Variants in MAP2K5 observed in about 807,000 individuals in gnomAD.
MAP2K5 encodes the protein mitogen-activated protein kinase kinase 5.
MAP2K5 carries 49 observed loss-of-function variants against 83.1 expected under a neutral mutation model. That is an observed-to-expected ratio of 0.59 (90% confidence interval 0.47 to 0.75). MAP2K5 has a LOEUF of 0.75. Ranked by LOEUF, MAP2K5 falls within the 30% of genes least tolerant of loss-of-function variation. The probability of loss-of-function intolerance (pLI) is 0.00; values close to 1 mark genes in which losing one functional copy is unlikely to be tolerated. For missense variants in MAP2K5, 457 were observed against 557.5 expected, an observed-to-expected ratio of 0.82 and a Z score of 1.82; for synonymous variants, 202 against 191.8, an observed-to-expected ratio of 1.05 and a Z score of -0.44.
At position 67,630,925 on chromosome 15, in the gene MAP2K5, A is replaced by T; in HGVS notation, c.583A>T (p.Lys195Ter). 1 of 1,606,956 alleles carries T rather than the reference A, an allele frequency of 6.2e-7. No homozygotes were observed. Among genetic ancestry groups the T allele is most frequent in the Non-Finnish European group, 8.5e-7 (1 of 1,174,950 alleles). ...CCCGAGTGGGAAAATATTAGCTGTA[A>T]AGGTAAGTACTGGATACATTTTATG... ...HVPSGKILAVKVILLDITLEL... is the reference protein window; with the variant it reads ...HVPSGKILAV The change falls in exon 9 of 22, where the codon AAG (lysine) becomes TAG (stop). Residue 195 changes from lysine (K) to a stop codon, truncating the protein, a stop_gained and splice_region_variant. Coordinates refer to ENST00000178640, the MANE Select transcript of MAP2K5 (RefSeq NM_145160.3). LOFTEE classifies it high-confidence loss of function.
At chr15:67,614,616 G>A (rs2899726) in intron 8 of MAP2K5, among the ~76,000 whole-genome samples, 106,000 of 151,994 alleles carry the variant, frequency 0.7, 37,580 homozygotes, top group Middle Eastern at 0.81. Context: ...CAGAATGACT[G>A]TAGTTTCCTT....
intron 8 of MAP2K5, among the ~76,000 whole-genome samples, chr15:67,609,054 G>A (rs2085847695): frequency 6.6e-6 from 1 of 152,152 alleles, no homozygotes; most frequent in African/African-American, 2.4e-5. Context: ...TCTACCTTAA[G>A]CAGAATGATG....
In MAP2K5 at chr15:67,769,992, A is replaced by G. The variant is rs146509083; in HGVS notation, c.1196+329A>G. Reference sequence around the variant, plus strand: ...TTTATAGCCCCTACTGAACGGACGTACGAAGCTTATTTTTATTAATGTAAC... The same window carrying G: ...TTTATAGCCCCTACTGAACGGACGTGCGAAGCTTATTTTTATTAATGTAAC... On this transcript the variant is annotated intron_variant, in intron 20 of 21. Transcript: ENST00000178640. This position sits in a 1 kb window ranked among gnomAD's most constrained non-coding sequence, Gnocchi z 5.2. 233 of 194,296 alleles carry G rather than the reference A, an allele frequency of 1.2e-3. No homozygotes were observed. The highest frequency in any genetic ancestry group is 1.9e-3 in the Non-Finnish European group (183 of 95,708). 12.0% of individuals were successfully genotyped at this position (194,296 alleles called of 1,614,324 possible).
In MAP2K5 at chr15:67,702,545, A is replaced by G. The variant is rs916281362; in HGVS notation, c.973-792A>G. Among the ~76,000 whole-genome samples, 1 of 152,220 alleles carries G rather than the reference A, an allele frequency of 6.6e-6. No individual in the cohort carries two copies. The highest frequency in any genetic ancestry group is 1.5e-5 in the Non-Finnish European group (1 of 68,044). ...ATTCATTTGTTCACGTGTTCATTCCAAAGCCATCTATGAAGTACTGTACTG... is the reference window on the plus strand; with the variant it reads ...ATTCATTTGTTCACGTGTTCATTCCGAAGCCATCTATGAAGTACTGTACTG... On this transcript the variant is annotated intron_variant, in intron 15 of 21. Coordinates refer to ENST00000178640, the MANE Select transcript of MAP2K5 (RefSeq NM_145160.3). The surrounding 1 kb of genome is among the most constrained non-coding windows in gnomAD (Gnocchi z 4.6).
At chr15:67,605,048 G>T (rs2085750114) in intron 8 of MAP2K5, among the ~76,000 whole-genome samples, 1 of 151,784 alleles carries the variant, frequency 6.6e-6, no homozygotes, top group Non-Finnish European at 1.5e-5. Context: ...ACTTGGCCAT[G>T]GGACTCTTTT....
intron 3 of MAP2K5, among the ~76,000 whole-genome samples, chr15:67,576,548 CTG>C (rs2085068756): frequency 6.8e-6 from 1 of 147,578 alleles, no homozygotes; most frequent in South Asian, 2.2e-4. Context: ...CAGAGGGACT[CTG>C]AAACTAATCT....
In MAP2K5 at chr15:67,806,601, G is replaced by C. The variant is rs371774161; in HGVS notation, c.1243-45G>C. 6.0e-6 allele frequency: 9 copies of C among 1,506,672 alleles called. No individual in the cohort carries two copies. The Admixed American group carries it at 8.0e-5, about 13-fold the overall frequency. The allele number at this position is 1,506,672 out of a possible 1,614,324, so 93.3% of individuals were successfully genotyped here. A position where few individuals can be genotyped will look rare whatever the true frequency, so the allele number is the denominator to read the frequency against. ...GGCCCTGGAAAGTACAATGAGCGCGGGAGTCCGAGGACTGCCTGTCACAGC... is the reference window on the plus strand; with the variant it reads ...GGCCCTGGAAAGTACAATGAGCGCGCGAGTCCGAGGACTGCCTGTCACAGC... On this transcript the variant is annotated intron_variant, in intron 21 of 21. Coordinates refer to ENST00000178640, the MANE Select transcript of MAP2K5 (RefSeq NM_145160.3).
rs189258125 is a variant in MAP2K5 at position 67,760,502 on chromosome 15, T to G, written c.1135-9100T>G. On this transcript the variant is annotated intron_variant, in intron 19 of 21. Coordinates refer to ENST00000178640, the MANE Select transcript of MAP2K5 (RefSeq NM_145160.3). This position sits in a 1 kb window ranked among gnomAD's most constrained non-coding sequence, Gnocchi z 4.1. Reference sequence around the variant, plus strand: ...ACTGAGTGAATTCAGCCAATAGACCTTATCCATTTCTTCTTTTTTACTAAC... The same window carrying G: ...ACTGAGTGAATTCAGCCAATAGACCGTATCCATTTCTTCTTTTTTACTAAC... Among the ~76,000 whole-genome samples, 1 of 152,352 alleles carries G rather than the reference T, an allele frequency of 6.6e-6. No homozygotes were observed. The highest frequency in any genetic ancestry group is 1.5e-5 in the Non-Finnish European group (1 of 68,030).
chr15:67,604,324 A>G (rs2085730922), intron 8 of MAP2K5, among the ~76,000 whole-genome samples: 1 of 152,278 alleles, frequency 6.6e-6, no homozygotes, highest in South Asian at 2.1e-4. Context: ...GTTTAGGAAA[A>G]GATAATGAAT....
rs1266951123 is a variant in MAP2K5, at chr15:67,587,749, C to A, written c.431+836C>A. On this transcript the variant is annotated intron_variant, in intron 6 of 21. Coordinates refer to ENST00000178640, the MANE Select transcript of MAP2K5 (RefSeq NM_145160.3). This position sits in a 1 kb window ranked among gnomAD's most constrained non-coding sequence, Gnocchi z 4.8. ...AGTTGTCTTCCCTCCAAACACAGTT[C>A]TAGATTTTCTGTCTCAGTAAATTCT... 3.3e-5 allele frequency among the ~76,000 whole-genome samples: 5 copies of A among 152,198 alleles called. No homozygotes were observed. The highest frequency in any genetic ancestry group is 3.3e-4 in the Admixed American group (5 of 15,280).
chr15:67,792,028 C>G (rs760845114), intron 21 of MAP2K5, among the ~76,000 whole-genome samples: 1 of 152,206 alleles, frequency 6.6e-6, no homozygotes, highest in Non-Finnish European at 1.5e-5. Context: ...AGAGGAGGGG[C>G]AGGGCCAGGT....
chr15:67,642,629 A>G, intron 9 of MAP2K5: 1 of 681,138 alleles, frequency 1.5e-6, no homozygotes, highest in Non-Finnish European at 2.7e-6. Flanking sequence ...AAAGGCTGTA[A>G]GTAGGGAAAG....
chr15:67,609,258 C>T (rs1171387574), intron 8 of MAP2K5, among the ~76,000 whole-genome samples: 3 of 152,020 alleles, frequency 2.0e-5, no homozygotes, highest in African/African-American at 7.2e-5. Flanking sequence ...GTCACTGTGC[C>T]AAGGACTATT....
At chr15:67,674,552 A>G (rs1181314536) in intron 13 of MAP2K5, among the ~76,000 whole-genome samples, 3 of 152,174 alleles carry the variant, frequency 2.0e-5, no homozygotes, top group East Asian at 1.9e-4. Context: ...CTCTGACACT[A>G]TCCACACAAA....
At chr15:67,654,463 A>AT (rs200980828) in intron 11 of MAP2K5, among the ~76,000 whole-genome samples, 1,610 of 152,234 alleles carry the variant, frequency 0.011, 6 homozygotes, top group Middle Eastern at 0.024. Flanking sequence ...TAGTTGGATC[A>AT]TTTTTTTAAA....
Position 67,549,670 on chromosome 15 carries a change from C to T in MAP2K5, c.136-364C>T, listed in dbSNP as rs192064685. 1.4e-4 allele frequency among the ~76,000 whole-genome samples: 21 copies of T among 152,266 alleles called. No homozygotes were observed. The East Asian group carries it at 2.1e-3, about 15-fold the overall frequency. On this transcript the variant is annotated intron_variant, in intron 1 of 21. Transcript: ENST00000178640. ...TTTTTTTCCCAGAGATTCAGACCTACGTCAGTCTGACTCTCAAAACCCCTC... is the reference window on the plus strand; with the variant it reads ...TTTTTTTCCCAGAGATTCAGACCTATGTCAGTCTGACTCTCAAAACCCCTC...
Position 67,770,706 on chromosome 15 carries a change from A to G in MAP2K5, c.1196+1043A>G, listed in dbSNP as rs1360386946. On this transcript the variant is annotated intron_variant, in intron 20 of 21. Coordinates refer to ENST00000178640, the MANE Select transcript of MAP2K5 (RefSeq NM_145160.3). The surrounding 1 kb of genome is among the most constrained non-coding windows in gnomAD (Gnocchi z 5.0). ...TTGTGTGCCATCCCCTTCCCCTCCC[A>G]CTATGATCTGTCCGATGATTATGCT... is the stretch of plus-strand genomic sequence containing the variant. Among the ~76,000 whole-genome samples, 2 of 152,080 alleles carry G rather than the reference A, an allele frequency of 1.3e-5. No homozygotes were observed. The highest frequency in any genetic ancestry group is 4.8e-5 in the African/African-American group (2 of 41,402).
chr15:67,691,261 G>T (rs1232856118), intron 13 of MAP2K5, among the ~76,000 whole-genome samples: 1 of 152,294 alleles, frequency 6.6e-6, no homozygotes, highest in African/African-American at 2.4e-5. Context: ...TTGCCTTCAT[G>T]GAATTTACAT....
chr15:67,633,912 C>A (rs1390227784), intron 9 of MAP2K5, among the ~76,000 whole-genome samples: 1 of 152,098 alleles, frequency 6.6e-6, no homozygotes, highest in African/African-American at 2.4e-5. Context: ...ATTTAGTTTC[C>A]AAATATTTGG....
Sources: gnomAD v4.1 joint callset for allele counts (sites outside exome capture counted in the v4.1 genomes callset) on GRCh38, gnomAD v4.1.1 for gene constraint, Gnocchi (gnomAD v3.1) non-coding constraint, MANE v1.5 for transcripts, NCBI Gene and HGNC (gene_info 2026-07-23, HGNC 2026-07-21) for gene names.